FAR2: variants seen among roughly 807,000 people sequenced by gnomAD.
FAR2 encodes fatty acyl-CoA reductase 2.
FAR2 carries 19 observed loss-of-function variants against 56.0 expected under a neutral mutation model. That is an observed-to-expected ratio of 0.34 (90% CI 0.24 to 0.50). The LOEUF is 0.50. Ranked by LOEUF, FAR2 falls within the 20% of genes least tolerant of loss-of-function variation. FAR2 has a pLI of 0.98. For missense variants in FAR2, 508 were observed against 642.2 expected, an observed-to-expected ratio of 0.79 and a Z score of 2.26; for synonymous variants, 219 against 218.8, an observed-to-expected ratio of 1.00 and a Z score of -0.01.
At chr12:29,184,172 T>C (rs1276942873) in intron 1 of FAR2, among the ~76,000 whole-genome samples, 3 of 152,310 alleles carry the variant, frequency 2.0e-5, no homozygotes, top group South Asian at 2.1e-4. Flanking sequence ...TTCTCCTCTA[T>C]AAAGGACCTT....
intron 1 of FAR2, among the ~76,000 whole-genome samples, chr12:29,170,998 G>C (rs567550512): frequency 6.6e-6 from 1 of 152,352 alleles, no homozygotes; most frequent in African/African-American, 2.4e-5. Context: ...ATTGCAGTAT[G>C]GGCATGTGGG....
chr12:29,296,257 A>G (rs2136757236), intron 3 of FAR2, among the ~76,000 whole-genome samples: 1 of 152,296 alleles, frequency 6.6e-6, no homozygotes, highest in Middle Eastern at 3.4e-3. Context: ...AGGACTTCAG[A>G]ACAATGTTAA....
intron 1 of FAR2, among the ~76,000 whole-genome samples, chr12:29,232,031 C>T (rs748778695): frequency 6.6e-6 from 1 of 152,156 alleles, no homozygotes; most frequent in South Asian, 2.1e-4. Context: ...AAGAACATAT[C>T]TCAAAGGGGT....
chr12:29,265,188 T>A (rs1948493252), intron 1 of FAR2, among the ~76,000 whole-genome samples: 2 of 152,196 alleles, frequency 1.3e-5, no homozygotes. Context: ...CTAAAATTTA[T>A]ATGGAACCAC....
chr12:29,328,681 G>C (rs906455675), intron 10 of FAR2, among the ~76,000 whole-genome samples: 1 of 143,484 alleles, frequency 7.0e-6, no homozygotes, highest in Non-Finnish European at 1.5e-5. Context: ...TCATAGGTGG[G>C]AATTGAACAA....
chr12:29,235,021 T>G (rs1394524716), intron 1 of FAR2, among the ~76,000 whole-genome samples: 1 of 152,216 alleles, frequency 6.6e-6, no homozygotes, highest in South Asian at 2.1e-4. Flanking sequence ...AACACTTATG[T>G]ATGTTTACTA....
chr12:29,153,777 T>G (rs556833994), intron 1 of FAR2, among the ~76,000 whole-genome samples: 5 of 151,984 alleles, frequency 3.3e-5, no homozygotes, highest in African/African-American at 1.2e-4. Context: ...TGGATTGACA[T>G]GTCTTGGTGA....
chr12:29,326,385 C>A (rs1161268886), intron 10 of FAR2, among the ~76,000 whole-genome samples: 1 of 147,130 alleles, frequency 6.8e-6, no homozygotes, highest in Non-Finnish European at 1.5e-5. Flanking sequence ...AGAGGGAATC[C>A]TCCCTAACTC....
intron 1 of FAR2, among the ~76,000 whole-genome samples, chr12:29,205,924 C>A (rs1183260530): frequency 6.6e-5 from 10 of 151,816 alleles, no homozygotes; most frequent in Non-Finnish European, 1.5e-4. Context: ...TTTAAAAAAA[C>A]CAATCCCTCT....
At chr12:29,216,315 A>G (rs1947620954) in intron 1 of FAR2, among the ~76,000 whole-genome samples, 1 of 152,186 alleles carries the variant, frequency 6.6e-6, no homozygotes, top group Non-Finnish European at 1.5e-5. Context: ...GGTATCTTCA[A>G]TGATACTGCC....
intron 1 of FAR2, among the ~76,000 whole-genome samples, chr12:29,169,040 T>C (rs1195380806): frequency 6.6e-6 from 1 of 152,152 alleles, no homozygotes; most frequent in Admixed American, 6.5e-5. Context: ...GAGTGCTGAT[T>C]GGTGCATTTA....
At chr12:29,257,370 C>G (rs1948338458) in intron 1 of FAR2, among the ~76,000 whole-genome samples, 1 of 152,144 alleles carries the variant, frequency 6.6e-6, no homozygotes, top group East Asian at 1.9e-4. Flanking sequence ...ATTGTAAATG[C>G]ACCAATCAGC....
intron 1 of FAR2, among the ~76,000 whole-genome samples, chr12:29,223,103 G>T (rs939272226): frequency 2.0e-5 from 3 of 152,136 alleles, no homozygotes; most frequent in African/African-American, 7.2e-5. Flanking sequence ...TCTATTGGGA[G>T]GTATTACTAA....
At chr12:29,261,511 GATA>G (rs1948417919) in intron 1 of FAR2, among the ~76,000 whole-genome samples, 1 of 152,264 alleles carries the variant, frequency 6.6e-6, no homozygotes, top group Non-Finnish European at 1.5e-5. Context: ...TACTCAAAGG[GATA>G]ATAACAGAGA....
intron 1 of FAR2, among the ~76,000 whole-genome samples, chr12:29,188,786 T>A (rs11050105): frequency 0.18 from 27,161 of 151,796 alleles, 2,545 homozygotes; most frequent in Non-Finnish European, 0.21. Context: ...TTGTTTTTTT[T>A]TTTTCATGAC....
At chr12:29,222,112 G>T (rs966119026) in intron 1 of FAR2, among the ~76,000 whole-genome samples, 1 of 152,098 alleles carries the variant, frequency 6.6e-6, no homozygotes, top group African/African-American at 2.4e-5. Context: ...GCCTCCCAAA[G>T]TGCTAGGATT....
chr12:29,303,722 G>A (rs548429299), intron 4 of FAR2, among the ~76,000 whole-genome samples: 6 of 152,192 alleles, frequency 3.9e-5, no homozygotes, highest in Non-Finnish European at 8.8e-5. Context: ...CCTCTTCTAG[G>A]GGAACGGTGA....
At chr12:29,206,821 G>A (rs1356639297) in intron 1 of FAR2, among the ~76,000 whole-genome samples, 1 of 152,174 alleles carries the variant, frequency 6.6e-6, no homozygotes, top group African/African-American at 2.4e-5. Context: ...GCGTGGGCAG[G>A]CATCAGGGAT....
intron 1 of FAR2, among the ~76,000 whole-genome samples, chr12:29,234,453 GT>G (rs1458786287): frequency 2.0e-5 from 3 of 151,978 alleles, no homozygotes; most frequent in Non-Finnish European, 4.4e-5. Context: ...TTAAATTTCT[GT>G]CCCTTCTTTC....
Sources: gnomAD v4.1 joint callset for allele counts (sites outside exome capture counted in the v4.1 genomes callset) on GRCh38, gnomAD v4.1.1 for gene constraint, MANE v1.5 for transcripts, NCBI Gene and HGNC (gene_info 2026-07-23, HGNC 2026-07-21) for gene names.